The following TGFA variants were observed in gnomAD, a reference collection of about 807,000 sequenced individuals.
The protein encoded by TGFA is transforming growth factor alpha, also known as protransforming growth factor alpha.
In TGFA, 12 loss-of-function variants were observed where a neutral mutation model predicts 21.7. The ratio of observed to expected loss-of-function variants is 0.55; its 90% CI spans 0.35 to 0.90. The LOEUF (loss-of-function observed/expected upper bound fraction) is 0.90. Ranked by LOEUF, TGFA falls within the 40% of genes least tolerant of loss-of-function variation. The probability of loss-of-function intolerance (pLI) is 0.01; values close to 1 mark genes in which losing one functional copy is unlikely to be tolerated. For missense variants in TGFA, 178 were observed against 210.8 expected (o/e 0.84, Z 0.96); for synonymous variants, 79 against 88.1 (o/e 0.90, Z 0.58).
At chr2:70,462,581 T>C (rs1221431331) in intron 3 of TGFA, among the ~76,000 whole-genome samples, 1 of 152,162 alleles carries the variant, frequency 6.6e-6, no homozygotes, top group South Asian at 2.1e-4. Context: ...AGGGGCTGTG[T>C]TTGGAAGTTC....
intron 3 of TGFA, among the ~76,000 whole-genome samples, chr2:70,461,309 C>A (rs1670399153): frequency 6.6e-6 from 1 of 152,196 alleles, no homozygotes; most frequent in Non-Finnish European, 1.5e-5. Flanking sequence ...CTACCCCCAC[C>A]ACCTGCTGAT....
At chr2:70,455,886 CT>C (rs1407892805) in intron 4 of TGFA, among the ~76,000 whole-genome samples, 2 of 152,192 alleles carry the variant, frequency 1.3e-5, no homozygotes, top group East Asian at 3.9e-4. Flanking sequence ...AGAGGAAGGG[CT>C]GTGCAGAATG....
chr2:70,457,545 CTTT>C (rs562850221), intron 3 of TGFA, among the ~76,000 whole-genome samples: 3 of 143,716 alleles, frequency 2.1e-5, no homozygotes, highest in South Asian at 2.2e-4. Flanking sequence ...GGCGGGACTT[CTTT>C]TTTTTTTTTT....
At chr2:70,476,123 G>T (rs1670928610) in intron 2 of TGFA, among the ~76,000 whole-genome samples, 1 of 137,606 alleles carries the variant, frequency 7.3e-6, no homozygotes. Context: ...AAAATTACAG[G>T]TCACGATTTT....
chr2:70,514,878 G>A lies in TGFA; in HGVS notation c.75C>T (p.Asn25=), dbSNP rs200477881. The change falls in exon 2 of 6, where the codon AAC becomes AAT. Residue 25 remains asparagine, a synonymous_variant. Transcript: ENST00000295400. ...ACTCACCACTCAGCGGGGACGTGCT[G>A]TTCTCCAAGGCCTGGCACGCAGCCA... ...IVLAACQALE[N]STSPLSADPP... 3.1e-6 allele frequency: 5 copies of A among 1,613,960 alleles called. No homozygotes were observed. Among genetic ancestry groups the A allele is most frequent in the Non-Finnish European group, 4.2e-6 (5 of 1,180,024 alleles).
At chr2:70,539,420 A>C (rs1199008816) in intron 1 of TGFA, among the ~76,000 whole-genome samples, 1 of 152,122 alleles carries the variant, frequency 6.6e-6, no homozygotes, top group Non-Finnish European at 1.5e-5. Context: ...AATTTACATA[A>C]AGCCTTATCT....
chr2:70,489,309 C>T (rs1553497152), intron 2 of TGFA, among the ~76,000 whole-genome samples: 1 of 152,240 alleles, frequency 6.6e-6, no homozygotes, highest in Non-Finnish European at 1.5e-5. Flanking sequence ...GTTTCACACA[C>T]CCATTCCTTA....
chr2:70,515,679 C>CA (rs1174482629), intron 1 of TGFA, among the ~76,000 whole-genome samples: 1 of 152,146 alleles, frequency 6.6e-6, no homozygotes, highest in African/African-American at 2.4e-5. Context: ...CTGAAGATGC[C>CA]ATGGAGCTGC....
intron 1 of TGFA, among the ~76,000 whole-genome samples, chr2:70,537,437 A>G (rs1574144191): frequency 6.6e-6 from 1 of 152,252 alleles, no homozygotes; most frequent in Non-Finnish European, 1.5e-5. Flanking sequence ...GTAAGCAGAA[A>G]TAGGCCAAAA....
At chr2:70,475,395 G>C (rs1670891732) in intron 2 of TGFA, among the ~76,000 whole-genome samples, 1 of 152,156 alleles carries the variant, frequency 6.6e-6, no homozygotes, top group Non-Finnish European at 1.5e-5. Context: ...GAGCTGAGGG[G>C]GGTTAAAGTT....
chr2:70,496,137 G>A (rs1265491515), intron 2 of TGFA, among the ~76,000 whole-genome samples: 1 of 152,152 alleles, frequency 6.6e-6, no homozygotes, highest in Non-Finnish European at 1.5e-5. Context: ...CGAGACTGGG[G>A]GAAGGAGGTG....
chr2:70,553,206 A>G, intron 1 of TGFA: 1 of 1,536,156 alleles, frequency 6.5e-7, no homozygotes, highest in South Asian at 1.2e-5. Flanking sequence ...AGAGCTCTGA[A>G]AAGAGATCGA....
chr2:70,452,362 C>T (rs782143337), intron 5 of TGFA, among the ~76,000 whole-genome samples: 2 of 152,216 alleles, frequency 1.3e-5, no homozygotes, highest in Non-Finnish European at 2.9e-5. Flanking sequence ...TCCGAGGAGG[C>T]TCCTGAGGTG....
chr2:70,451,431 G>A (rs1670055458), intron 5 of TGFA, among the ~76,000 whole-genome samples: 1 of 152,170 alleles, frequency 6.6e-6, no homozygotes, highest in Non-Finnish European at 1.5e-5. Flanking sequence ...AGTACCACTG[G>A]TTCACCCATC....
At chr2:70,494,314 TAGTCAG>T (rs1222766282) in intron 2 of TGFA, among the ~76,000 whole-genome samples, 15 of 152,344 alleles carry the variant, frequency 9.8e-5, no homozygotes, top group African/African-American at 3.4e-4. Context: ...TAAGGTAGCA[TAGTCAG>T]AGTTTCTGGA....
intron 2 of TGFA, among the ~76,000 whole-genome samples, chr2:70,478,987 CCTT>C (rs562581275): frequency 1.2e-3 from 180 of 152,270 alleles, no homozygotes; most frequent in African/African-American, 4.2e-3. Flanking sequence ...CTTACTTCCT[CCTT>C]CTTTTTCTTC....
rs527376405 is a variant in TGFA at position 70,553,275 on chromosome 2, G to A, written c.40+453C>T. ...GTCGCTGGGGCTTAGAGGTGGGCAG[G>A]GGGTGCCAAAGGGGCGCAGGCAAGA... On this transcript the variant is annotated intron_variant, in intron 1 of 5. Coordinates refer to ENST00000295400, the MANE Select transcript of TGFA (RefSeq NM_003236.4). The A allele has an allele frequency of 1.7e-4, 255 of 1,534,954 alleles. 4 individuals are homozygous for A. In the South Asian group the frequency reaches 2.8e-3, roughly 17 times the overall value.
At chr2:70,490,122 T>C (rs1671386085) in intron 2 of TGFA, among the ~76,000 whole-genome samples, 1 of 151,938 alleles carries the variant, frequency 6.6e-6, no homozygotes, top group South Asian at 2.1e-4. Context: ...ACAAATAGAT[T>C]AAAAGAAAAA....
Position 70,456,383 on chromosome 2 carries a change from G to A in TGFA, c.321C>T (p.Ser107=), listed in dbSNP as rs1553490532. 1 of 1,577,080 alleles carries A rather than the reference G, an allele frequency of 6.3e-7. No homozygotes were observed. The change falls in exon 4 of 6, where the codon TCC becomes TCT. Residue 107 remains serine (S), a synonymous_variant. Coordinates refer to ENST00000295400, the MANE Select transcript of TGFA (RefSeq NM_003236.4). The stretch of plus-strand genomic sequence containing the variant: ...TGATAAGGACAGCCAGGGCCACGAT[G>A]GAGACCACCACCAAGGCGGTGATGG... ...KQAITALVVV[S]IVALAVLIIT... is the part of the protein sequence containing the mutation.
Sources: gnomAD v4.1 joint callset for allele counts (sites outside exome capture counted in the v4.1 genomes callset) on GRCh38, gnomAD v4.1.1 for gene constraint, MANE v1.5 for transcripts, NCBI Gene and HGNC (gene_info 2026-07-23, HGNC 2026-07-21) for gene names.